The following GSTA4 variants were observed in gnomAD, a reference collection of about 807,000 sequenced individuals.
GSTA4 encodes glutathione S-transferase alpha 4.
Under a neutral mutation model 24.4 loss-of-function variants are expected in GSTA4, and 15 were observed. The observed-to-expected ratio is 0.61, with a 90% CI of 0.41 to 0.95. GSTA4 has a LOEUF of 0.95. Ranked by LOEUF, GSTA4 falls within the 40% of genes least tolerant of loss-of-function variation. The probability of loss-of-function intolerance (pLI) is 0.00; values close to 1 mark genes in which losing one functional copy is unlikely to be tolerated. For missense variants in GSTA4, 244 were observed against 262.1 expected (o/e 0.93, Z 0.48); for synonymous variants, 92 against 94.2 (o/e 0.98, Z 0.13).
intron 6 of GSTA4, among the ~76,000 whole-genome samples, chr6:52,981,944 A>T (rs4147618): frequency 0.088 from 13,457 of 152,262 alleles, 857 homozygotes; most frequent in Non-Finnish European, 0.12. Flanking sequence ...GAATGGTAGG[A>T]ATCCTTTGGG....
chr6:52,985,639 C>T (rs1296940253), intron 3 of GSTA4, 56 bp from the exon 4 acceptor site: 4 of 1,562,610 alleles, frequency 2.6e-6, no homozygotes, highest in South Asian at 2.3e-5. Flanking sequence ...CCCCCAACCC[C>T]TAAAAAATGC....
intron 2 of GSTA4, 54 bp from the exon 3 acceptor site, chr6:52,987,462 T>C: frequency 1.1e-6 from 1 of 948,770 alleles, no homozygotes; most frequent in Non-Finnish European, 1.7e-6. Context: ...TATTCAGCCA[T>C]TAAGAAAACA....
Position 52,994,214 on chromosome 6 carries a change from G to C in GSTA4, c.30C>G (p.Pro10=), listed in dbSNP as rs750836479. 4 of 1,613,452 alleles carry C rather than the reference G, an allele frequency of 2.5e-6. No individual in the cohort carries two copies. The South Asian group carries it at 3.3e-5, about 13-fold the overall frequency. The change falls in exon 2 of 7, where the codon CCC becomes CCG. Residue 10 remains proline (P), a synonymous_variant. Transcript: ENST00000370963. Reference sequence around the variant, plus strand: ...CGGACTCCATCCGGCCTCTTCCGTTGGGATAGTGGAGCTTGGGCCTTGCTG... The same window carrying C: ...CGGACTCCATCCGGCCTCTTCCGTTCGGATAGTGGAGCTTGGGCCTTGCTG... MAARPKLHY[P]NGRGRMESVR... is the part of the protein sequence containing the mutation.
intron 5 of GSTA4, among the ~76,000 whole-genome samples, chr6:52,983,969 C>T (rs1376327127): frequency 1.3e-5 from 2 of 152,052 alleles, no homozygotes; most frequent in Admixed American, 6.5e-5. Flanking sequence ...GAATTTGAAG[C>T]TCAGAAAAGC....
intron 2 of GSTA4, among the ~76,000 whole-genome samples, chr6:52,989,164 T>C (rs1191663204): frequency 6.6e-6 from 1 of 152,240 alleles, no homozygotes; most frequent in Non-Finnish European, 1.5e-5. Context: ...TATGGCAATG[T>C]CAGGAAGTTA....
intron 2 of GSTA4, among the ~76,000 whole-genome samples, chr6:52,988,585 C>T (rs574030102): frequency 5.3e-5 from 8 of 152,182 alleles, no homozygotes; most frequent in South Asian, 2.1e-4. Flanking sequence ...TGGGACCTTA[C>T]GAACATAATG....
chr6:52,981,650 C>T (rs1763453074), intron 6 of GSTA4, among the ~76,000 whole-genome samples: 1 of 152,074 alleles, frequency 6.6e-6, no homozygotes, highest in Admixed American at 6.5e-5. Context: ...TGTATAAAAA[C>T]AGGTGGCAGG....
At chr6:52,986,900 A>G (rs1763571798) in intron 3 of GSTA4, among the ~76,000 whole-genome samples, 2 of 152,164 alleles carry the variant, frequency 1.3e-5, no homozygotes, top group South Asian at 4.1e-4. Context: ...TTAAAGGTGA[A>G]GGGAGGGGGC....
At chr6:52,986,291 T>C (rs1763555269) in intron 3 of GSTA4, among the ~76,000 whole-genome samples, 2 of 152,242 alleles carry the variant, frequency 1.3e-5, no homozygotes, top group South Asian at 4.1e-4. Context: ...ACATATTTCA[T>C]GTGCTCAACA....
chr6:52,986,600 A>G (rs1763562640), intron 3 of GSTA4, among the ~76,000 whole-genome samples: 1 of 152,216 alleles, frequency 6.6e-6, no homozygotes, highest in African/African-American at 2.4e-5. Flanking sequence ...AGATGCCGGT[A>G]TAGGGTACAG....
intron 6 of GSTA4, among the ~76,000 whole-genome samples, chr6:52,979,955 G>T (rs541976402): frequency 4.6e-5 from 7 of 152,266 alleles, no homozygotes; most frequent in African/African-American, 1.7e-4. Context: ...TAAAATTTTT[G>T]TGACTTTTTA....
chr6:52,983,640 T>C (rs1763496328), intron 5 of GSTA4, among the ~76,000 whole-genome samples: 1 of 152,206 alleles, frequency 6.6e-6, no homozygotes, highest in Non-Finnish European at 1.5e-5. Context: ...ATAGGCGTGT[T>C]GCAAGAAACC....
chr6:52,992,834 T>C (rs570894850), intron 2 of GSTA4, among the ~76,000 whole-genome samples: 6 of 152,106 alleles, frequency 3.9e-5, no homozygotes, highest in Non-Finnish European at 8.8e-5. Context: ...GGCGTGGTGG[T>C]TCACACCTGT....
intron 6 of GSTA4, among the ~76,000 whole-genome samples, chr6:52,981,105 G>GA (rs893175839): frequency 3.8e-4 from 56 of 148,994 alleles, no homozygotes; most frequent in African/African-American, 8.9e-4. Context: ...AAAAGTAAAT[G>GA]AAAAAAAAAT....
chr6:52,981,557 T>C (rs371687397), intron 6 of GSTA4, among the ~76,000 whole-genome samples: 1 of 152,268 alleles, frequency 6.6e-6, no homozygotes, highest in African/African-American at 2.4e-5. Context: ...GAATTTCATA[T>C]AATTTTTATG....
At chr6:52,980,311 G>T (rs1465881892) in intron 6 of GSTA4, among the ~76,000 whole-genome samples, 15 of 147,306 alleles carry the variant, frequency 1.0e-4, no homozygotes, top group South Asian at 8.5e-4. Context: ...ATTTCACTTT[G>T]TTTTTTTTTT....
Position 52,985,636 on chromosome 6 carries a change from C to T in GSTA4, c.140-53G>A, listed in dbSNP as rs1362830551. The T allele has an allele frequency of 2.5e-6, 4 of 1,588,488 alleles. No individual in the cohort carries two copies. The Admixed American group carries it at 5.2e-5, about 20-fold the overall frequency. On this transcript the variant is annotated intron_variant, in intron 3 of 6. Transcript: ENST00000370963. The stretch of plus-strand genomic sequence containing the variant: ...TGATCTTTTCTTCTCTGTCCCCCAA[C>T]CCCTAAAAAATGCTCTGTGGAATGA...
At chr6:52,982,752 A>AC (rs778807062) in intron 5 of GSTA4, 47 bp from the exon 6 acceptor site, 1 of 1,478,256 alleles carries the variant, frequency 6.8e-7, no homozygotes, top group African/African-American at 1.4e-5. Context: ...ACATGGAGAG[A>AC]GTGATGAGGC....
At chr6:52,985,640 TA>T (rs45470295) in intron 3 of GSTA4, 57 bp from the exon 4 acceptor site, 1 of 1,560,484 alleles carries the variant, frequency 6.4e-7, no homozygotes, top group South Asian at 1.1e-5. Context: ...CCCCAACCCC[TA>T]AAAAATGCTC....
Sources: gnomAD v4.1 joint callset for allele counts (sites outside exome capture counted in the v4.1 genomes callset) on GRCh38, gnomAD v4.1.1 for gene constraint, MANE v1.5 for transcripts, NCBI Gene and HGNC (gene_info 2026-07-23, HGNC 2026-07-21) for gene names.